The following TUT4 variants were observed in gnomAD, a reference collection of about 807,000 sequenced individuals.
The protein encoded by TUT4 is terminal uridylyl transferase 4, also known as terminal uridylyltransferase 4.
A neutral mutation model predicts 192.2 loss-of-function variants in TUT4; 36 were observed. The ratio of observed to expected loss-of-function variants is 0.19; its 90% confidence interval spans 0.14 to 0.25. TUT4 has a LOEUF of 0.25. Ranked by LOEUF, TUT4 falls within the 10% of genes least tolerant of loss-of-function variation. The pLI is 1.00. For missense variants in TUT4, 1,493 were observed against 1,957.2 expected (o/e 0.76, Z 4.47); for synonymous variants, 618 against 666.0 (o/e 0.93, Z 1.11).
chr1:52,484,867 T>C (rs150301199), intron 9 of TUT4, among the ~76,000 whole-genome samples: 1 of 152,248 alleles, frequency 6.6e-6, no homozygotes, highest in African/African-American at 2.4e-5. Flanking sequence ...TTCATGTGGC[T>C]AGCTATTACC....
intron 1 of TUT4, among the ~76,000 whole-genome samples, chr1:52,547,947 A>AC: frequency 6.6e-6 from 1 of 152,166 alleles, no homozygotes; most frequent in East Asian, 1.9e-4. Context: ...AACCTTATAA[A>AC]TATACTAAAA....
intron 20 of TUT4, among the ~76,000 whole-genome samples, chr1:52,454,465 A>G (rs1201458060): frequency 6.6e-6 from 1 of 152,268 alleles, no homozygotes; most frequent in African/African-American, 2.4e-5. Context: ...AGCAAAGACA[A>G]TACAGTGGAG....
At chr1:52,524,415 C>T (rs544685076) in intron 2 of TUT4, among the ~76,000 whole-genome samples, 20 of 151,862 alleles carry the variant, frequency 1.3e-4, no homozygotes, top group Middle Eastern at 3.4e-3. Context: ...CCCAGCTACT[C>T]GGAGAGGCTG....
rs139101818 is a variant in TUT4, at chr1:52,456,338, G to A, written c.3435+1998C>T. Among the ~76,000 whole-genome samples, 235 of 149,532 alleles carry A rather than the reference G, an allele frequency of 1.6e-3. 2 individuals are homozygous for A. The highest frequency in any genetic ancestry group is 5.9e-3 in the South Asian group (28 of 4,736). On this transcript the variant is annotated intron_variant, in intron 20 of 29. Coordinates refer to ENST00000257177, the MANE Select transcript of TUT4 (RefSeq NM_001009881.3). ...GAATTGCTTTAATCGCTTGAACCCC[G>A]GAGGTGGAGGTTGCAGTGAGCTGAG...
At chr1:52,440,004 G>T (rs1655020900) in intron 24 of TUT4, among the ~76,000 whole-genome samples, 2 of 152,108 alleles carry the variant, frequency 1.3e-5, no homozygotes, top group African/African-American at 4.8e-5. Flanking sequence ...ACACTAAAAT[G>T]AAAGAAGCCA....
intron 9 of TUT4, among the ~76,000 whole-genome samples, chr1:52,485,764 C>T (rs993533348): frequency 3.3e-5 from 5 of 151,896 alleles, no homozygotes; most frequent in African/African-American, 4.8e-5. Context: ...TGAAGTAAAT[C>T]ATGCAAGATC....
At chr1:52,490,144 G>A (rs1453034252) in intron 8 of TUT4, among the ~76,000 whole-genome samples, 2 of 145,022 alleles carry the variant, frequency 1.4e-5, no homozygotes, top group Admixed American at 7.5e-5. Context: ...TCCTTGAGAA[G>A]AGAGGCTTTT....
intron 15 of TUT4, among the ~76,000 whole-genome samples, chr1:52,466,676 A>ATTT (rs1216020416): frequency 7.3e-6 from 1 of 137,740 alleles, no homozygotes; most frequent in African/African-American, 3.0e-5. Context: ...ATATATATAT[A>ATTT]TATATATTTT....
intron 14 of TUT4, among the ~76,000 whole-genome samples, chr1:52,471,008 C>CT (rs771331613): frequency 0.16 from 13,438 of 82,086 alleles, 3,293 homozygotes; most frequent in African/African-American, 0.39. Context: ...GCACTCTATG[C>CT]TTTTTTTTTT....
At chr1:52,425,322 T>G (rs1320043882) in intron 29 of TUT4, 27 bp downstream of exon 29, 1 of 1,606,354 alleles carries the variant, frequency 6.2e-7, no homozygotes, top group Non-Finnish European at 8.5e-7. Flanking sequence ...CACCCAAGCC[T>G]GTTAACTAAT....
Position 52,515,975 on chromosome 1 carries a change from T to G in TUT4, c.798A>C (p.Glu266Asp), listed in dbSNP as rs750246063. 24 of 1,613,618 alleles carry G rather than the reference T, an allele frequency of 1.5e-5. No homozygotes were observed. In the South Asian group the frequency reaches 2.6e-4, roughly 18 times the overall value. ...GCCTCTGCTCAGGTGTCAATGCAGATTCATCTATCACAGTGGCATTTTCTA... is the reference window on the plus strand; with the variant it reads ...GCCTCTGCTCAGGTGTCAATGCAGAGTCATCTATCACAGTGGCATTTTCTA... ...DYLENATVIDESALTPEQRLG... is the reference protein window; with the variant it reads ...DYLENATVIDDSALTPEQRLG... Residue 266 changes from glutamate to aspartate, a missense_variant, in exon 3 of 30, where the codon GAA becomes GAC. By Grantham distance (45) the Glu-to-Asp change is conservative. This residue lies in a region of TUT4 where 437 missense variants were observed against 577.6 expected (regional missense o/e 0.76). Transcript: ENST00000257177.
intron 1 of TUT4, among the ~76,000 whole-genome samples, chr1:52,548,737 T>C (rs571962931): frequency 6.6e-6 from 1 of 152,354 alleles, no homozygotes; most frequent in East Asian, 1.9e-4. Context: ...AATCAGATTG[T>C]TGTGTGGTTA....
In TUT4 at chr1:52,423,612, C is replaced by A; in HGVS notation, c.*323G>T. On this transcript the variant is annotated 3_prime_UTR_variant, in exon 30 of 30. Transcript: ENST00000257177. ...TAAATTCTCTCTTTATACAATTCAT[C>A]AAGGTTAAACAAAACATAAAATTCC... is the stretch of plus-strand genomic sequence containing the variant. 1 of 373,362 alleles carries A rather than the reference C, an allele frequency of 2.7e-6. No homozygotes were observed. The allele number at this position is 373,362 out of a possible 1,614,324, so 23.1% of individuals were successfully genotyped here.
At chr1:52,459,867 GAA>G in intron 19 of TUT4, among the ~76,000 whole-genome samples, 1 of 151,632 alleles carries the variant, frequency 6.6e-6, no homozygotes, top group South Asian at 2.1e-4. Context: ...GGGTGACAGA[GAA>G]AGACGCCATC....
intron 1 of TUT4, among the ~76,000 whole-genome samples, chr1:52,547,886 G>C (rs1481199259): frequency 6.6e-6 from 1 of 152,040 alleles, no homozygotes; most frequent in Non-Finnish European, 1.5e-5. Flanking sequence ...ATGGGAACTG[G>C]GTTTCATTAT....
intron 4 of TUT4, among the ~76,000 whole-genome samples, chr1:52,502,942 C>T (rs564549402): frequency 3.9e-5 from 6 of 152,096 alleles, no homozygotes; most frequent in Admixed American, 1.3e-4. Context: ...AAGCACTCTT[C>T]GCCTCTACAC....
chr1:52,465,923 G>A (rs915209588), intron 15 of TUT4, among the ~76,000 whole-genome samples: 1 of 151,592 alleles, frequency 6.6e-6, no homozygotes, highest in African/African-American at 2.4e-5. Context: ...AGGCTAGAGT[G>A]CACTGGCTAT....
At chr1:52,548,807 GC>G in intron 1 of TUT4, among the ~76,000 whole-genome samples, 1 of 152,272 alleles carries the variant, frequency 6.6e-6, no homozygotes. Flanking sequence ...TTAGGACTTT[GC>G]CCATCTATAG....
At position 52,463,462 on chromosome 1, in the gene TUT4, G is replaced by A. The variant is rs538799771; in HGVS notation, c.3069+1608C>T. The A allele has an allele frequency of 1.9e-5, 20 of 1,053,104 alleles. No individual in the cohort carries two copies. In the African/African-American group the frequency reaches 3.0e-4, roughly 16 times the overall value. The allele number at this position is 1,053,104 out of a possible 1,614,324, so 65.2% of individuals were successfully genotyped here. ...AGTCATCACTGCCATCTTTACTCCG[G>A]GTCTAACAATTTCAAAACCACCGTT... On this transcript the variant is annotated intron_variant, in intron 16 of 29. Transcript: ENST00000257177.
Sources: gnomAD v4.1 joint callset for allele counts (sites outside exome capture counted in the v4.1 genomes callset) on GRCh38, gnomAD v4.1.1 for gene constraint, gnomAD v4.1.1 regional missense constraint, MANE v1.5 for transcripts, NCBI Gene and HGNC (gene_info 2026-07-23, HGNC 2026-07-21) for gene names.